GPC6: variants seen among roughly 807,000 people sequenced by gnomAD.
The protein encoded by GPC6 is glypican 6, also known as glypican-6.
A neutral mutation model predicts 55.2 loss-of-function variants in GPC6; 14 were observed. That is an observed-to-expected ratio of 0.25 (90% CI 0.17 to 0.40). GPC6 has a LOEUF of 0.40. Ranked by LOEUF, GPC6 falls within the 10% of genes least tolerant of loss-of-function variation. GPC6 has a pLI of 1.00. For missense variants in GPC6, 641 were observed against 708.5 expected (o/e 0.90, Z 1.08); for synonymous variants, 278 against 259.6 (o/e 1.07, Z -0.68).
At chr13:94,224,765 C>G (rs1022362087) in intron 4 of GPC6, among the ~76,000 whole-genome samples, 5 of 152,050 alleles carry the variant, frequency 3.3e-5, no homozygotes, top group Non-Finnish European at 5.9e-5. Flanking sequence ...TTCTTTAGTC[C>G]TCCAGAAAGT....
chr13:93,472,330 C>T (rs995175369), intron 1 of GPC6, among the ~76,000 whole-genome samples: 7 of 152,212 alleles, frequency 4.6e-5, no homozygotes, highest in Non-Finnish European at 1.0e-4. Context: ...CTGCACTCAG[C>T]TCATGCTATT....
At chr13:93,431,468 G>A (rs1296509860) in intron 1 of GPC6, among the ~76,000 whole-genome samples, 4 of 152,060 alleles carry the variant, frequency 2.6e-5, no homozygotes, top group Non-Finnish European at 4.4e-5. Flanking sequence ...CTTTAATATT[G>A]AAGATAAACA....
At chr13:93,330,762 C>T (rs1388266191) in intron 1 of GPC6, among the ~76,000 whole-genome samples, 2 of 152,166 alleles carry the variant, frequency 1.3e-5, no homozygotes, top group Non-Finnish European at 2.9e-5. Context: ...TCTCTTGCAT[C>T]TTTCATTCTT....
chr13:94,010,942 A>G (rs1882220476), intron 3 of GPC6, among the ~76,000 whole-genome samples: 1 of 152,204 alleles, frequency 6.6e-6, no homozygotes, highest in African/African-American at 2.4e-5. Flanking sequence ...TGGCTACAAT[A>G]GAAATGGACA....
At chr13:93,855,400 T>C (rs1888564505) in intron 3 of GPC6, among the ~76,000 whole-genome samples, 1 of 151,668 alleles carries the variant, frequency 6.6e-6, no homozygotes, top group Non-Finnish European at 1.5e-5. Context: ...ATTATCTGGG[T>C]GTAACACAAT....
At chr13:93,795,947 C>T (rs953419357) in intron 2 of GPC6, among the ~76,000 whole-genome samples, 4 of 151,866 alleles carry the variant, frequency 2.6e-5, no homozygotes, top group South Asian at 2.1e-4. Context: ...TGGTGGCACA[C>T]GCCTGTAGTC....
At chr13:93,761,710 A>G (rs962574357) in intron 2 of GPC6, among the ~76,000 whole-genome samples, 1 of 152,118 alleles carries the variant, frequency 6.6e-6, no homozygotes, top group African/African-American at 2.4e-5. Flanking sequence ...GGGTATTGCT[A>G]TGTTGCACAG....
At position 94,108,253 on chromosome 13, in the gene GPC6, T is replaced by C. The variant is rs529811135; in HGVS notation, c.877+80359T>C. ...AGCATTCACAGCAACCTGGATGAGA[T>C]TGGAGACTATTATCCTAAGTGAAGA... On this transcript the variant is annotated intron_variant, in intron 4 of 8. Coordinates refer to ENST00000377047, the MANE Select transcript of GPC6 (RefSeq NM_005708.5). 1.1e-3 allele frequency among the ~76,000 whole-genome samples: 160 copies of C among 152,166 alleles called. 1 individual carries two copies. The highest frequency in any genetic ancestry group is 3.7e-3 in the African/African-American group (154 of 41,518).
At chr13:94,230,855 A>C (rs1890702116) in intron 4 of GPC6, among the ~76,000 whole-genome samples, 1 of 152,196 alleles carries the variant, frequency 6.6e-6, no homozygotes, top group Non-Finnish European at 1.5e-5. Context: ...CAGACATCAT[A>C]ATAAGCATCT....
intron 6 of GPC6, among the ~76,000 whole-genome samples, chr13:94,336,848 A>ACTT (rs1877730701): frequency 6.6e-6 from 1 of 152,218 alleles, no homozygotes; most frequent in African/African-American, 2.4e-5. Flanking sequence ...GCATTCCAAA[A>ACTT]CTTCATTCTC....
At chr13:93,783,740 A>C (rs1057246432) in intron 2 of GPC6, among the ~76,000 whole-genome samples, 5 of 152,154 alleles carry the variant, frequency 3.3e-5, no homozygotes, top group African/African-American at 9.7e-5. Context: ...ATCATATCCT[A>C]TCATGCAGCC....
chr13:93,712,292 A>G (rs1367643073), intron 2 of GPC6, among the ~76,000 whole-genome samples: 2 of 151,794 alleles, frequency 1.3e-5, no homozygotes, highest in African/African-American at 4.8e-5. Context: ...GAGAGAGAAG[A>G]TATGTCCTTT....
At position 93,551,857 on chromosome 13, in the gene GPC6, A is replaced by G. The variant is rs540803671; in HGVS notation, c.319+6436A>G. On this transcript the variant is annotated intron_variant, in intron 2 of 8. Coordinates refer to ENST00000377047, the MANE Select transcript of GPC6 (RefSeq NM_005708.5). ...AATAAATCACAGCAAGACAGACACA[A>G]TTGTCTCACTACCCCCAATATCCTA... Among the ~76,000 whole-genome samples the G allele has an allele frequency of 4.6e-5, 7 of 152,296 alleles. No individual in the cohort carries two copies. In the South Asian group the frequency reaches 1.5e-3, roughly 32 times the overall value.
At chr13:93,887,373 T>A (rs1875402550) in intron 3 of GPC6, among the ~76,000 whole-genome samples, 1 of 151,984 alleles carries the variant, frequency 6.6e-6, no homozygotes, top group South Asian at 2.1e-4. Context: ...AAAAAGTAAT[T>A]TTAATACTTA....
intron 2 of GPC6, among the ~76,000 whole-genome samples, chr13:93,581,917 T>C (rs527946294): frequency 2.0e-5 from 3 of 152,218 alleles, no homozygotes; most frequent in East Asian, 3.9e-4. Flanking sequence ...TATCATGAAA[T>C]TGTTGCTGAA....
intron 4 of GPC6, among the ~76,000 whole-genome samples, chr13:94,283,421 C>T (rs1354379599): frequency 1.3e-5 from 2 of 152,220 alleles, no homozygotes; most frequent in African/African-American, 4.8e-5. Flanking sequence ...AACCTGGGCA[C>T]CTGACTCCAC....
At chr13:93,974,561 A>C (rs1332474685) in intron 3 of GPC6, among the ~76,000 whole-genome samples, 1 of 152,184 alleles carries the variant, frequency 6.6e-6, no homozygotes, top group Non-Finnish European at 1.5e-5. Context: ...GCACTGTATA[A>C]AGTTTTATCC....
At chr13:94,373,000 G>A (rs1005354841) in intron 6 of GPC6, among the ~76,000 whole-genome samples, 1 of 152,020 alleles carries the variant, frequency 6.6e-6, no homozygotes, top group African/African-American at 2.4e-5. Context: ...TGCAGCTGAG[G>A]GTCCTATCTG....
chr13:93,581,540 TCTACAAAAATACA>T (rs1876935744), intron 2 of GPC6, among the ~76,000 whole-genome samples: 2 of 152,120 alleles, frequency 1.3e-5, no homozygotes, highest in Admixed American at 1.3e-4. Context: ...AAAACCCATC[TCTACAAAAATACA>T]AAAATGAGCT....
Sources: allele counts gnomAD v4.1 joint callset (sites outside exome capture counted in the v4.1 genomes callset), GRCh38; gene constraint gnomAD v4.1.1; transcripts MANE v1.5; gene names NCBI Gene and HGNC (gene_info 2026-07-23, HGNC 2026-07-21).